The following SPAG16 variants were observed in gnomAD, a reference collection of about 807,000 sequenced individuals.
SPAG16 encodes sperm-associated antigen 16 protein.
Under a neutral mutation model 80.4 loss-of-function variants are expected in SPAG16, and 86 were observed. That is an observed-to-expected ratio of 1.07 (90% CI 0.90 to 1.28). The LOEUF (loss-of-function observed/expected upper bound fraction) is 1.28, where lower values mean the gene tolerates loss of function less well. SPAG16 is among the 50% of genes most tolerant of loss of function. The probability of loss-of-function intolerance (pLI) is 0.00; values close to 1 mark genes in which losing one functional copy is unlikely to be tolerated. For synonymous variants in SPAG16, 294 were observed against 265.9 expected, an observed-to-expected ratio of 1.11 and a Z score of -1.03; for missense variants, 870 against 765.3, an observed-to-expected ratio of 1.14 and a Z score of -1.61.
intron 13 of SPAG16, among the ~76,000 whole-genome samples, chr2:214,024,731 G>A (rs925489945): frequency 1.1e-4 from 16 of 151,612 alleles, no homozygotes; most frequent in African/African-American, 3.6e-4. Flanking sequence ...GAAACTAAAG[G>A]AAAAGCATGC....
intron 9 of SPAG16, among the ~76,000 whole-genome samples, chr2:213,453,857 G>C (rs933928081): frequency 1.3e-5 from 2 of 152,184 alleles, no homozygotes; most frequent in African/African-American, 4.8e-5. Flanking sequence ...ATTTTTTTAT[G>C]TTGTTGGCTG....
rs953603444 is a variant in SPAG16, at chr2:213,700,130, A to G, written c.1071-162355A>G. On this transcript the variant is annotated intron_variant, in intron 10 of 15. Coordinates refer to ENST00000331683, the MANE Select transcript of SPAG16 (RefSeq NM_024532.5). The stretch of plus-strand genomic sequence containing the variant: ...ACATGCATGTAATACATCAATGTCT[A>G]TATCTCTGGGTCCATACAATGCCAT... 2.6e-5 allele frequency among the ~76,000 whole-genome samples: 4 copies of G among 152,270 alleles called. No homozygotes were observed. In the South Asian group the frequency reaches 8.3e-4, roughly 32 times the overall value.
intron 1 of SPAG16, among the ~76,000 whole-genome samples, chr2:213,287,929 G>A (rs1432536892): frequency 1.3e-5 from 2 of 152,116 alleles, no homozygotes; most frequent in Admixed American, 1.3e-4. Context: ...TTTTAGAGAT[G>A]AGGTATTGCT....
intron 15 of SPAG16, among the ~76,000 whole-genome samples, chr2:214,347,542 C>T (rs532512267): frequency 3.1e-4 from 47 of 152,118 alleles, no homozygotes; most frequent in Admixed American, 4.6e-4. Flanking sequence ...CTTAAGGTGG[C>T]GCCTCATAGA....
rs75313412 is a variant in SPAG16, at chr2:214,364,235, C to T, written c.1721-45905C>T. The stretch of plus-strand genomic sequence containing the variant: ...GTGACTAGTAATGTCGGACATATAC[C>T]AGATTCTCAATAAATATTTGTTGAA... On this transcript the variant is annotated intron_variant, in intron 15 of 15. Transcript: ENST00000331683. 9.2e-3 allele frequency among the ~76,000 whole-genome samples: 1,393 copies of T among 152,092 alleles called. 23 individuals carry two copies. The highest frequency in any genetic ancestry group is 0.03 in the African/African-American group (1,243 of 41,524).
intron 12 of SPAG16, among the ~76,000 whole-genome samples, chr2:213,980,725 T>TATATATATATAGAGAGAGAGAGAG (rs374274176): frequency 6.3e-4 from 65 of 103,968 alleles, no homozygotes; most frequent in Non-Finnish European, 1.0e-3. Context: ...TATATATATA[T>TATATATATATAGAGAGAGAGAGAG]AGAGAGAGAG....
intron 10 of SPAG16, among the ~76,000 whole-genome samples, chr2:213,562,243 A>G (rs761290180): frequency 1.3e-5 from 2 of 152,210 alleles, no homozygotes; most frequent in Non-Finnish European, 2.9e-5. Context: ...ATGTGTTTCT[A>G]GGCTCTTCTT....
chr2:213,308,592 A>G (rs763746864), intron 3 of SPAG16, among the ~76,000 whole-genome samples: 14 of 152,192 alleles, frequency 9.2e-5, no homozygotes, highest in East Asian at 1.9e-4. Flanking sequence ...TTTCACTTAT[A>G]TAGGCAGAAA....
intron 1 of SPAG16, among the ~76,000 whole-genome samples, chr2:213,288,282 T>G (rs1430909057): frequency 6.6e-6 from 1 of 152,170 alleles, no homozygotes; most frequent in Non-Finnish European, 1.5e-5. Flanking sequence ...ACTGATAACT[T>G]TAATTAAAAT....
intron 9 of SPAG16, among the ~76,000 whole-genome samples, chr2:213,424,494 A>G (rs2069786739): frequency 6.6e-6 from 1 of 152,186 alleles, no homozygotes; most frequent in African/African-American, 2.4e-5. Flanking sequence ...TCAATTAGTA[A>G]AAATGAGATC....
At chr2:213,437,937 C>G (rs1159671119) in intron 9 of SPAG16, among the ~76,000 whole-genome samples, 1 of 152,132 alleles carries the variant, frequency 6.6e-6, no homozygotes, top group Non-Finnish European at 1.5e-5. Context: ...AGTCAAAACT[C>G]ATTTCAGAGT....
chr2:213,871,066 A>G (rs986012910), intron 11 of SPAG16, among the ~76,000 whole-genome samples: 1 of 152,202 alleles, frequency 6.6e-6, no homozygotes, highest in Non-Finnish European at 1.5e-5. Context: ...ACACATACAC[A>G]AACACACACA....
intron 15 of SPAG16, among the ~76,000 whole-genome samples, chr2:214,235,259 G>T (rs1688995325): frequency 6.6e-6 from 1 of 152,034 alleles, no homozygotes; most frequent in African/African-American, 2.4e-5. Flanking sequence ...AATGTAAGTT[G>T]ATTTTATTAA....
intron 5 of SPAG16, among the ~76,000 whole-genome samples, chr2:213,331,616 T>C (rs1361311756): frequency 6.6e-6 from 1 of 152,184 alleles, no homozygotes; most frequent in Admixed American, 6.5e-5. Context: ...TTCTCAATGA[T>C]AGACTATATG....
At chr2:214,337,321 C>A (rs964322472) in intron 15 of SPAG16, among the ~76,000 whole-genome samples, 4 of 152,066 alleles carry the variant, frequency 2.6e-5, no homozygotes, top group African/African-American at 9.7e-5. Flanking sequence ...GAATCTTAAC[C>A]CTGACCTAAC....
At chr2:214,300,939 G>T (rs944357311) in intron 15 of SPAG16, among the ~76,000 whole-genome samples, 7 of 150,668 alleles carry the variant, frequency 4.6e-5, no homozygotes, top group Non-Finnish European at 8.9e-5. Flanking sequence ...CCAAAATCAG[G>T]CAAGGACACA....
intron 15 of SPAG16, among the ~76,000 whole-genome samples, chr2:214,171,930 G>A (rs1433099472): frequency 6.6e-6 from 1 of 151,698 alleles, no homozygotes; most frequent in Non-Finnish European, 1.5e-5. Flanking sequence ...TAGATAAATG[G>A]TTACTATAGT....
At chr2:213,883,380 C>A (rs950395604) in intron 11 of SPAG16, among the ~76,000 whole-genome samples, 2 of 152,036 alleles carry the variant, frequency 1.3e-5, no homozygotes, top group Non-Finnish European at 1.5e-5. Context: ...GTGCTTGACT[C>A]CCAGATGATT....
chr2:214,240,782 T>C (rs1311043426), intron 15 of SPAG16: 3 of 152,202 alleles, frequency 2.0e-5, no homozygotes, highest in African/African-American at 7.2e-5. Context: ...GAAATTCTAC[T>C]GAGCATTTAT....
Sources: gnomAD v4.1 joint callset for allele counts (sites outside exome capture counted in the v4.1 genomes callset) on GRCh38, gnomAD v4.1.1 for gene constraint, MANE v1.5 for transcripts, NCBI Gene and HGNC (gene_info 2026-07-23, HGNC 2026-07-21) for gene names.